Variants in LSAMP observed in about 807,000 individuals in gnomAD.
LSAMP encodes limbic system associated membrane protein, also known as limbic system-associated membrane protein.
LSAMP carries 7 observed loss-of-function variants against 38.6 expected under a neutral mutation model. The ratio of observed to expected loss-of-function variants is 0.18; its 90% CI spans 0.10 to 0.34. The LOEUF is 0.34. Among genes scored for constraint, LSAMP ranks in the 10% least tolerant of loss-of-function variants. LSAMP has a pLI of 1.00. For synonymous variants in LSAMP, 154 were observed against 166.8 expected (o/e 0.92, Z 0.59); for missense variants, 313 against 420.0 (o/e 0.75, Z 2.23).
intron 1 of LSAMP, among the ~76,000 whole-genome samples, chr3:116,182,982 G>A (rs1710522384): frequency 6.6e-6 from 1 of 151,812 alleles, no homozygotes; most frequent in African/African-American, 2.4e-5. Flanking sequence ...GCTGGTCTCT[G>A]TTTACACCTG....
intron 3 of LSAMP, among the ~76,000 whole-genome samples, chr3:115,964,051 C>G (rs145093369): frequency 6.6e-6 from 1 of 152,200 alleles, no homozygotes; most frequent in African/African-American, 2.4e-5. Flanking sequence ...CATCACCCAG[C>G]CTTCTTTAGT....
chr3:115,842,808 C>T (rs1935038583), intron 4 of LSAMP, among the ~76,000 whole-genome samples: 1 of 152,172 alleles, frequency 6.6e-6, no homozygotes, highest in Non-Finnish European at 1.5e-5. Flanking sequence ...TTAAATGAGA[C>T]ACTTAGCAGG....
At chr3:116,125,565 A>T (rs924280074) in intron 1 of LSAMP, among the ~76,000 whole-genome samples, 4 of 151,948 alleles carry the variant, frequency 2.6e-5, no homozygotes, top group Admixed American at 2.6e-4. Flanking sequence ...ACTTCCCTCA[A>T]CTTGACTGTC....
intron 3 of LSAMP, among the ~76,000 whole-genome samples, chr3:116,003,028 A>G (rs1429108445): frequency 6.6e-6 from 1 of 152,190 alleles, no homozygotes; most frequent in Non-Finnish European, 1.5e-5. Flanking sequence ...AGAAATTTTA[A>G]TGGAGGAACA....
chr3:116,141,511 C>T (rs556598896), intron 1 of LSAMP, among the ~76,000 whole-genome samples: 1 of 151,914 alleles, frequency 6.6e-6, no homozygotes. Context: ...TTTCTACCTC[C>T]TCCCCCAAAT....
At chr3:115,877,037 G>A (rs1424773318) in intron 3 of LSAMP, among the ~76,000 whole-genome samples, 1 of 152,110 alleles carries the variant, frequency 6.6e-6, no homozygotes, top group African/African-American at 2.4e-5. Context: ...AATATTACCG[G>A]AATAAGTAAC....
intron 1 of LSAMP, among the ~76,000 whole-genome samples, chr3:116,353,945 C>T (rs1340393000): frequency 1.3e-5 from 2 of 152,038 alleles, no homozygotes; most frequent in African/African-American, 2.4e-5. Context: ...CCTTTCCATT[C>T]AATGGTTTTG....
At chr3:115,838,522 T>C (rs1934871218) in intron 6 of LSAMP, among the ~76,000 whole-genome samples, 1 of 152,216 alleles carries the variant, frequency 6.6e-6, no homozygotes, top group Non-Finnish European at 1.5e-5. Flanking sequence ...CCATACATTG[T>C]GCCATTGGAT....
intron 1 of LSAMP, among the ~76,000 whole-genome samples, chr3:116,158,826 C>A (rs1405907624): frequency 1.3e-5 from 2 of 152,082 alleles, no homozygotes; most frequent in African/African-American, 4.8e-5. Flanking sequence ...CAATGACACT[C>A]TTCACAGGAT....
intron 3 of LSAMP, among the ~76,000 whole-genome samples, chr3:115,886,635 G>T (rs1936461200): frequency 6.6e-6 from 1 of 151,862 alleles, no homozygotes; most frequent in African/African-American, 2.4e-5. Flanking sequence ...TCTGACTTTA[G>T]TGCCTCTAGC....
intron 1 of LSAMP, among the ~76,000 whole-genome samples, chr3:116,109,267 G>GTAAGCC (rs1708541769): frequency 6.6e-6 from 1 of 152,192 alleles, no homozygotes; most frequent in South Asian, 2.1e-4. Flanking sequence ...GAACGAAACT[G>GTAAGCC]TAAGCCGGAC....
chr3:116,354,634 A>AATGTTTT (rs1349400286), intron 1 of LSAMP, among the ~76,000 whole-genome samples: 2 of 152,218 alleles, frequency 1.3e-5, no homozygotes, highest in East Asian at 1.9e-4. Context: ...ATGCAAATGC[A>AATGTTTT]ATGTTTTATG....
At chr3:116,324,976 A>AT (rs1342768176) in intron 1 of LSAMP, among the ~76,000 whole-genome samples, 1 of 151,984 alleles carries the variant, frequency 6.6e-6, no homozygotes, top group Non-Finnish European at 1.5e-5. Context: ...GTTGATACAC[A>AT]TATCTACTGG....
intron 1 of LSAMP, among the ~76,000 whole-genome samples, chr3:116,204,670 A>G (rs1290068532): frequency 6.6e-6 from 1 of 151,986 alleles, no homozygotes; most frequent in African/African-American, 2.4e-5. Flanking sequence ...TCCTTTCCCC[A>G]TTGCTTGTTT....
At chr3:116,057,472 G>C (rs1358451502) in intron 2 of LSAMP, among the ~76,000 whole-genome samples, 1 of 152,148 alleles carries the variant, frequency 6.6e-6, no homozygotes, top group Non-Finnish European at 1.5e-5. Flanking sequence ...TAGTCAATCA[G>C]ATTACTATGT....
intron 1 of LSAMP, among the ~76,000 whole-genome samples, chr3:116,170,353 G>A (rs1195196495): frequency 1.3e-5 from 2 of 152,084 alleles, no homozygotes; most frequent in African/African-American, 4.8e-5. Flanking sequence ...TATATATAAT[G>A]TACTCGCTTT....
At position 116,226,529 on chromosome 3, in the gene LSAMP, A is replaced by G. The variant is rs1336482322; in HGVS notation, c.156-139973T>C. On this transcript the variant is annotated intron_variant, in intron 1 of 6. Transcript: ENST00000490035. ...TGGCTTACAGACTTAACTGTTGATCACTGAAATAGCACTCAAGGCCCCAGG... is the reference window on the plus strand; with the variant it reads ...TGGCTTACAGACTTAACTGTTGATCGCTGAAATAGCACTCAAGGCCCCAGG... 3.3e-5 allele frequency among the ~76,000 whole-genome samples: 5 copies of G among 152,222 alleles called. No individual in the cohort carries two copies. The East Asian group carries it at 9.6e-4, about 29-fold the overall frequency.
At chr3:115,997,767 TACAC>T (rs1371220225) in intron 3 of LSAMP, among the ~76,000 whole-genome samples, 3 of 136,940 alleles carry the variant, frequency 2.2e-5, no homozygotes, top group South Asian at 4.9e-4. Context: ...CACACATACA[TACAC>T]ACACATATAT....
At chr3:115,811,259 G>A (rs1266961801) in intron 6 of LSAMP, among the ~76,000 whole-genome samples, 1 of 152,024 alleles carries the variant, frequency 6.6e-6, no homozygotes, top group Non-Finnish European at 1.5e-5. Context: ...GTCTGAGAGG[G>A]GAAATAGGAT....
Sources: gnomAD v4.1 joint callset for allele counts (sites outside exome capture counted in the v4.1 genomes callset) on GRCh38, gnomAD v4.1.1 for gene constraint, MANE v1.5 for transcripts, NCBI Gene and HGNC (gene_info 2026-07-23, HGNC 2026-07-21) for gene names.